Variants in SPHKAP observed in about 807,000 individuals in gnomAD.
SPHKAP encodes the protein SPHK1 interactor, AKAP domain containing.
In SPHKAP, 67 loss-of-function variants were observed where a neutral mutation model predicts 137.5. The ratio of observed to expected loss-of-function variants is 0.49; its 90% confidence interval spans 0.40 to 0.60. The LOEUF (loss-of-function observed/expected upper bound fraction) is 0.60. Among genes scored for constraint, SPHKAP ranks in the 20% least tolerant of loss-of-function variants. The probability of loss-of-function intolerance (pLI) is 0.00; values close to 1 mark genes in which losing one functional copy is unlikely to be tolerated. For synonymous variants in SPHKAP, 813 were observed against 785.3 expected, an observed-to-expected ratio of 1.04 and a Z score of -0.59; for missense variants, 2,097 against 2,069.3, an observed-to-expected ratio of 1.01 and a Z score of -0.26.
chr2:228,110,302 A>T (rs1698478279), intron 2 of SPHKAP, among the ~76,000 whole-genome samples: 1 of 151,968 alleles, frequency 6.6e-6, no homozygotes, highest in African/African-American at 2.4e-5. Context: ...ATGAAAATTT[A>T]TTAATGATAA....
At position 228,130,200 on chromosome 2, in the gene SPHKAP, T is replaced by C. The variant is rs145509362; in HGVS notation, c.138+1780A>G. On this transcript the variant is annotated intron_variant, in intron 2 of 11. Coordinates refer to ENST00000392056, the MANE Select transcript of SPHKAP (RefSeq NM_001142644.2). ...TAAAGAAATAAATGTGACCACCTCTTTTCCAGGGAAATAACTGTAGCTGAG... is the reference window on the plus strand; with the variant it reads ...TAAAGAAATAAATGTGACCACCTCTCTTCCAGGGAAATAACTGTAGCTGAG... Among the ~76,000 whole-genome samples, 32 of 152,284 alleles carry C rather than the reference T, an allele frequency of 2.1e-4. No homozygotes were observed. The East Asian group carries it at 3.5e-3, about 17-fold the overall frequency.
chr2:228,171,217 A>T (rs1358801288), intron 1 of SPHKAP, among the ~76,000 whole-genome samples: 2 of 152,188 alleles, frequency 1.3e-5, no homozygotes, highest in African/African-American at 4.8e-5. Flanking sequence ...AATCCAGTGC[A>T]GTCTTAAGTA....
At chr2:228,099,491 G>A (rs12466647) in intron 3 of SPHKAP, among the ~76,000 whole-genome samples, 24,247 of 152,064 alleles carry the variant, frequency 0.16, 2,156 homozygotes, top group East Asian at 0.32. Context: ...GCTTAGAATT[G>A]CTCTGGCTAT....
chr2:228,084,423 AAACT>A lies in SPHKAP; in HGVS notation c.246+24405_246+24408del, dbSNP rs537150740. Among the ~76,000 whole-genome samples, 319 of 152,314 alleles carry A rather than the reference AAACT, an allele frequency of 2.1e-3. 1 individual carries two copies. The highest frequency in any genetic ancestry group is 4.2e-3 in the Non-Finnish European group (288 of 68,022). ...ATAAATTTTTCCTATAATTATTAAC[AAACT>A]AAGAAAATAGATCCATTCACTTCAT... On this transcript the variant is annotated intron_variant, in intron 3 of 11. Transcript: ENST00000392056.
intron 3 of SPHKAP, among the ~76,000 whole-genome samples, chr2:228,066,997 A>G (rs924909953): frequency 5.3e-5 from 8 of 152,236 alleles, no homozygotes; most frequent in African/African-American, 1.9e-4. Flanking sequence ...TGTAAAACAG[A>G]TCCAGAATTG....
chr2:228,085,734 A>C (rs1375667805), intron 3 of SPHKAP, among the ~76,000 whole-genome samples: 4 of 152,206 alleles, frequency 2.6e-5, no homozygotes, highest in Non-Finnish European at 1.5e-5. Flanking sequence ...GACCTCCGTT[A>C]CAGGTTTTCA....
chr2:228,048,359 G>A (rs1696138873), intron 3 of SPHKAP, among the ~76,000 whole-genome samples: 1 of 143,592 alleles, frequency 7.0e-6, no homozygotes, highest in South Asian at 2.4e-4. Context: ...GGAGATGGGT[G>A]GGGGGTATTT....
intron 3 of SPHKAP, among the ~76,000 whole-genome samples, chr2:228,092,659 T>A (rs1481588881): frequency 6.7e-6 from 1 of 148,702 alleles, no homozygotes; most frequent in African/African-American, 2.5e-5. Flanking sequence ...TATATACATA[T>A]ATATACATAT....
intron 3 of SPHKAP, among the ~76,000 whole-genome samples, chr2:228,037,711 G>C (rs182675414): frequency 6.6e-6 from 1 of 152,096 alleles, no homozygotes; most frequent in South Asian, 2.1e-4. Context: ...AATGGAAAGA[G>C]ATAAGCATAG....
At chr2:228,118,879 C>CA (rs1698810901) in intron 2 of SPHKAP, among the ~76,000 whole-genome samples, 1 of 151,922 alleles carries the variant, frequency 6.6e-6, no homozygotes. Context: ...ATAACAACAA[C>CA]AAAAAAACCA....
At chr2:228,026,767 T>C (rs1478898568) in intron 4 of SPHKAP, among the ~76,000 whole-genome samples, 4 of 152,198 alleles carry the variant, frequency 2.6e-5, no homozygotes, top group Non-Finnish European at 4.4e-5. Flanking sequence ...GAAACTGGGT[T>C]TGAGAAGCTT....
chr2:228,085,330 T>C (rs1463173031), intron 3 of SPHKAP, among the ~76,000 whole-genome samples: 3 of 152,224 alleles, frequency 2.0e-5, no homozygotes, highest in East Asian at 1.9e-4. Context: ...AAATTTTCTT[T>C]GATACAGATA....
intron 3 of SPHKAP, among the ~76,000 whole-genome samples, chr2:228,044,074 A>G (rs1695943769): frequency 6.6e-6 from 1 of 152,208 alleles, no homozygotes; most frequent in Non-Finnish European, 1.5e-5. Context: ...CAAACATCTA[A>G]CATTCATCTC....
chr2:228,019,735 G>A lies in SPHKAP; in HGVS notation c.1119C>T (p.Asp373=), dbSNP rs775281687. The stretch of plus-strand genomic sequence containing the variant: ...GTCTAGGAGGGAGAGCGTTTCTTGT[G>A]TCTTCATGGTCTCCTGGGTTTAGGT... ...RSNLNPGDHE[D]TRNALPPRQD... is the part of the protein sequence containing the mutation. The change falls in exon 7 of 12, where the codon GAC becomes GAT. Residue 373 remains aspartate, a synonymous_variant. Transcript: ENST00000392056. The A allele has an allele frequency of 1.2e-6, 2 of 1,614,216 alleles. No homozygotes were observed. Among genetic ancestry groups the A allele is most frequent in the Admixed American group, 3.3e-5 (2 of 60,026 alleles).
At chr2:228,153,048 T>C (rs1699985538) in intron 1 of SPHKAP, among the ~76,000 whole-genome samples, 1 of 152,138 alleles carries the variant, frequency 6.6e-6, no homozygotes, top group Admixed American at 6.6e-5. Flanking sequence ...TCTCATTCTC[T>C]CTTGTCTGCT....
At chr2:228,152,589 T>C (rs1027099481) in intron 1 of SPHKAP, among the ~76,000 whole-genome samples, 1 of 152,162 alleles carries the variant, frequency 6.6e-6, no homozygotes, top group Non-Finnish European at 1.5e-5. Context: ...TTACTGTTAA[T>C]GTAACTGCTG....
intron 3 of SPHKAP, among the ~76,000 whole-genome samples, chr2:228,047,719 T>G (rs529725099): frequency 6.6e-6 from 1 of 152,328 alleles, no homozygotes; most frequent in Admixed American, 6.5e-5. Flanking sequence ...GAGATGGTCA[T>G]GGTTCCTTGC....
Position 228,087,215 on chromosome 2 carries a change from C to A in SPHKAP, c.246+21617G>T, listed in dbSNP as rs1697567528. 2.6e-5 allele frequency among the ~76,000 whole-genome samples: 4 copies of A among 152,252 alleles called. No individual in the cohort carries two copies. In the South Asian group the frequency reaches 8.3e-4, roughly 32 times the overall value. ...GAGGAATGATACCAAAGGCTTCACA[C>A]TGCATTGGGGAAATAGACTTCACTA... On this transcript the variant is annotated intron_variant, in intron 3 of 11. Transcript: ENST00000392056.
At chr2:228,012,366 A>C (rs537094455) in intron 7 of SPHKAP, among the ~76,000 whole-genome samples, 15 of 152,162 alleles carry the variant, frequency 9.9e-5, no homozygotes, top group Admixed American at 6.5e-4. Flanking sequence ...GGTGATTCAT[A>C]GTGGGAACAT....
Sources: allele counts gnomAD v4.1 joint callset (sites outside exome capture counted in the v4.1 genomes callset), GRCh38; gene constraint gnomAD v4.1.1; transcripts MANE v1.5; gene names NCBI Gene and HGNC (gene_info 2026-07-23, HGNC 2026-07-21).